CRTC1: variants seen among roughly 807,000 people sequenced by gnomAD.
CRTC1 encodes CREB regulated transcription coactivator 1, also known as CREB-regulated transcription coactivator 1.
In CRTC1, 18 loss-of-function variants were observed where a neutral mutation model predicts 66.1. The ratio of observed to expected loss-of-function variants is 0.27; its 90% CI spans 0.19 to 0.40. The LOEUF (loss-of-function observed/expected upper bound fraction) is 0.40, where lower values mean the gene tolerates loss of function less well. Among genes scored for constraint, CRTC1 ranks in the 10% least tolerant of loss-of-function variants. The probability of loss-of-function intolerance (pLI) is 1.00; values close to 1 mark genes in which losing one functional copy is unlikely to be tolerated. For synonymous variants in CRTC1, 416 were observed against 398.8 expected, an observed-to-expected ratio of 1.04 and a Z score of -0.51; for missense variants, 669 against 887.9, an observed-to-expected ratio of 0.75 and a Z score of 3.13.
At position 18,777,776 on chromosome 19, in the gene CRTC1, G is replaced by T. The variant is rs901672936; in HGVS notation, c.*394G>T. ...GCATGGTCCGCCAGGGCTGTGGGCC[G>T]TGGCGCATTTTCCGACTGTTTGTCC... is the stretch of plus-strand genomic sequence containing the variant. On this transcript the variant is annotated 3_prime_UTR_variant, in exon 14 of 14. Transcript: ENST00000321949. The surrounding 1 kb of genome is among the most constrained non-coding windows in gnomAD (Gnocchi z 5.5). The T allele has an allele frequency of 3.1e-6, 1 of 318,666 alleles. No homozygotes were observed. The highest frequency in any genetic ancestry group is 5.8e-5 in the East Asian group (1 of 17,156). 19.7% of individuals were successfully genotyped at this position (318,666 alleles called of 1,614,324 possible).
At chr19:18,692,897 A>G (rs1224959609) in intron 1 of CRTC1, among the ~76,000 whole-genome samples, 3 of 151,442 alleles carry the variant, frequency 2.0e-5, no homozygotes. Context: ...AACATGGTGA[A>G]ACCCTGTCTC....
intron 1 of CRTC1, among the ~76,000 whole-genome samples, chr19:18,729,780 C>G (rs1419089903): frequency 6.6e-6 from 1 of 152,126 alleles, no homozygotes; most frequent in Non-Finnish European, 1.5e-5. Context: ...GGTTCAGTTT[C>G]ATTTGCTTGG....
chr19:18,746,073 A>G (rs1302743609), intron 3 of CRTC1, 113 bp downstream of exon 3: 4 of 1,396,832 alleles, frequency 2.9e-6, no homozygotes, highest in Non-Finnish European at 3.9e-6. Context: ...CTCTGGGGAC[A>G]GAATCAGGGC....
chr19:18,713,932 T>G (rs2053448346), intron 1 of CRTC1, among the ~76,000 whole-genome samples: 1 of 152,202 alleles, frequency 6.6e-6, no homozygotes, highest in Non-Finnish European at 1.5e-5. Context: ...TGGGTAGGGC[T>G]GTTTTGGGAG....
At chr19:18,767,459 G>A (rs537270901) in intron 9 of CRTC1, among the ~76,000 whole-genome samples, 8 of 152,244 alleles carry the variant, frequency 5.3e-5, no homozygotes, top group Non-Finnish European at 8.8e-5. Context: ...TCAGCTTTCC[G>A]AAGTGCTGGG....
intron 1 of CRTC1, among the ~76,000 whole-genome samples, chr19:18,722,827 A>C (rs2053658550): frequency 6.6e-6 from 1 of 152,042 alleles, no homozygotes; most frequent in Non-Finnish European, 1.5e-5. Flanking sequence ...GGCTTTGCCT[A>C]TTCTGGATAT....
intron 1 of CRTC1, among the ~76,000 whole-genome samples, chr19:18,694,588 A>G (rs1340614628): frequency 6.6e-6 from 1 of 152,098 alleles, no homozygotes; most frequent in Non-Finnish European, 1.5e-5. Context: ...GTTAGCCACC[A>G]TGCCCGGCTA....
intron 11 of CRTC1, among the ~76,000 whole-genome samples, chr19:18,773,885 G>T (rs1394535863): frequency 6.6e-6 from 1 of 152,168 alleles, no homozygotes; most frequent in Non-Finnish European, 1.5e-5. Context: ...TGAGGCCAGA[G>T]ACTCAGGCGT....
At chr19:18,765,309 G>T (rs2054704074) in intron 8 of CRTC1, 95 bp from the exon 9 acceptor site, 8 of 1,492,324 alleles carry the variant, frequency 5.4e-6, no homozygotes, top group Non-Finnish European at 6.3e-6. Flanking sequence ...GAGCAGTTGA[G>T]CTATTCCCAT....
chr19:18,697,445 G>T (rs1276564157), intron 1 of CRTC1, among the ~76,000 whole-genome samples: 1 of 152,334 alleles, frequency 6.6e-6, no homozygotes, highest in East Asian at 1.9e-4. Flanking sequence ...GAATAGCTGG[G>T]ATTACAAGCG....
intron 1 of CRTC1, among the ~76,000 whole-genome samples, chr19:18,701,822 T>C (rs1322523094): frequency 1.3e-5 from 2 of 152,044 alleles, no homozygotes; most frequent in African/African-American, 4.8e-5. Flanking sequence ...TTCACCATGT[T>C]GGTCGGGCAG....
Position 18,768,415 on chromosome 19 carries a change from T to C in CRTC1, c.1012-70T>C. The C allele has an allele frequency of 1.5e-6, 2 of 1,362,418 alleles. No individual in the cohort carries two copies. Among genetic ancestry groups the C allele is most frequent in the Non-Finnish European group, 2.0e-6 (2 of 981,774 alleles). 84.4% of individuals were successfully genotyped at this position (1,362,418 alleles called of 1,614,324 possible). On this transcript the variant is annotated intron_variant, in intron 9 of 13. Coordinates refer to ENST00000321949, the MANE Select transcript of CRTC1 (RefSeq NM_015321.3). This position sits in a 1 kb window ranked among gnomAD's most constrained non-coding sequence, Gnocchi z 5.6. ...ACCTCGCCTGCTGAGCATGCCAGGC[T>C]ATGGGGGCCCGAGGGGGCCAGGCGC...
intron 6 of CRTC1, among the ~76,000 whole-genome samples, chr19:18,759,265 A>G (rs1419521011): frequency 1.3e-5 from 2 of 152,204 alleles, no homozygotes; most frequent in African/African-American, 4.8e-5. Context: ...CTCCTCTGAA[A>G]AGAGACTGCC....
At chr19:18,710,322 C>G (rs1191927182) in intron 1 of CRTC1, among the ~76,000 whole-genome samples, 3 of 152,204 alleles carry the variant, frequency 2.0e-5, no homozygotes, top group Non-Finnish European at 2.9e-5. Flanking sequence ...CTGCTGTGGA[C>G]TCCCCGTTCC....
At chr19:18,764,858 G>C (rs192092418) in intron 8 of CRTC1, among the ~76,000 whole-genome samples, 5 of 152,292 alleles carry the variant, frequency 3.3e-5, no homozygotes, top group Admixed American at 1.3e-4. Flanking sequence ...TCCACGAGGT[G>C]GTGGGCAAAA....
At chr19:18,745,703 G>A (rs2054216892) in intron 2 of CRTC1, 120 bp from the exon 3 acceptor site, 1 of 1,305,660 alleles carries the variant, frequency 7.7e-7, no homozygotes, top group African/African-American at 1.5e-5. Flanking sequence ...GTGGAGCGAT[G>A]GCCGAGGGTG....
At chr19:18,732,430 G>A (rs961951211) in intron 1 of CRTC1, among the ~76,000 whole-genome samples, 1 of 152,262 alleles carries the variant, frequency 6.6e-6, no homozygotes, top group African/African-American at 2.4e-5. Flanking sequence ...GTACTGCTGG[G>A]CCCTGATCTT....
intron 1 of CRTC1, among the ~76,000 whole-genome samples, chr19:18,695,450 C>G (rs1437803992): frequency 6.6e-6 from 1 of 152,192 alleles, no homozygotes; most frequent in Non-Finnish European, 1.5e-5. Flanking sequence ...AGGGGGCTCA[C>G]TTGGGGCCGA....
Position 18,779,219 on chromosome 19 carries a change from C to G in CRTC1, c.*1837C>G, listed in dbSNP as rs2055056226. On this transcript the variant is annotated 3_prime_UTR_variant, in exon 14 of 14. Coordinates refer to ENST00000321949, the MANE Select transcript of CRTC1 (RefSeq NM_015321.3). ...GCTGCTTTCACTGGGGTCCTGGGCA[C>G]CCTGGCTTCTGTCCTCAGAGCTGGG... The G allele has an allele frequency of 8.6e-6, 2 of 231,666 alleles. No homozygotes were observed. The highest frequency in any genetic ancestry group is 4.4e-5 in the African/African-American group (2 of 45,230). 14.4% of individuals were successfully genotyped at this position (231,666 alleles called of 1,614,324 possible). A position where few individuals can be genotyped will look rare whatever the true frequency, so the allele number is the denominator to read the frequency against.
Sources: allele counts gnomAD v4.1 joint callset (sites outside exome capture counted in the v4.1 genomes callset), GRCh38; gene constraint gnomAD v4.1.1; non-coding constraint Gnocchi (gnomAD v3.1); transcripts MANE v1.5; gene names NCBI Gene and HGNC (gene_info 2026-07-23, HGNC 2026-07-21).